The following TBC1D31 variants were observed in gnomAD, a reference collection of about 807,000 sequenced individuals.
TBC1D31 encodes WD repeat domain 67.
A neutral mutation model predicts 132.9 loss-of-function variants in TBC1D31; 99 were observed. The ratio of observed to expected loss-of-function variants is 0.74; its 90% CI spans 0.63 to 0.88. The LOEUF (loss-of-function observed/expected upper bound fraction) is 0.88, where lower values mean the gene tolerates loss of function less well. Among genes scored for constraint, TBC1D31 ranks in the 40% least tolerant of loss-of-function variants. The pLI is 0.00. For missense variants in TBC1D31, 1,134 were observed against 1,256.6 expected, an observed-to-expected ratio of 0.90 and a Z score of 1.48; for synonymous variants, 385 against 419.4, an observed-to-expected ratio of 0.92 and a Z score of 1.00.
intron 6 of TBC1D31, among the ~76,000 whole-genome samples, chr8:123,100,167 G>A (rs1586612761): frequency 6.6e-6 from 1 of 152,256 alleles, no homozygotes; most frequent in African/African-American, 2.4e-5. Flanking sequence ...CTGCCTGTGG[G>A]AAGGGAAGAT....
intron 16 of TBC1D31, among the ~76,000 whole-genome samples, chr8:123,130,902 G>A (rs574955838): frequency 5.3e-5 from 8 of 151,624 alleles, no homozygotes; most frequent in African/African-American, 1.9e-4. Flanking sequence ...GGTTACAGGC[G>A]TGAGCCACCA....
intron 16 of TBC1D31, among the ~76,000 whole-genome samples, chr8:123,132,480 C>T (rs1820725390): frequency 7.9e-6 from 1 of 126,732 alleles, no homozygotes; most frequent in Non-Finnish European, 1.6e-5. Flanking sequence ...GTGGTGCGAT[C>T]CCGGCTCACT....
chr8:123,111,446 G>T (rs911397217), intron 10 of TBC1D31, among the ~76,000 whole-genome samples: 1 of 151,974 alleles, frequency 6.6e-6, no homozygotes, highest in African/African-American at 2.4e-5. Flanking sequence ...TTACCTTGGA[G>T]CTCCCCAGAG....
chr8:123,151,164 C>G (rs1337386994), intron 21 of TBC1D31, among the ~76,000 whole-genome samples: 1 of 125,754 alleles, frequency 8.0e-6, no homozygotes, highest in African/African-American at 3.3e-5. Flanking sequence ...AATACAAAAG[C>G]ATGAAAGTTG....
chr8:123,115,018 T>A (rs948960932), intron 10 of TBC1D31, among the ~76,000 whole-genome samples: 4 of 152,356 alleles, frequency 2.6e-5, no homozygotes, highest in African/African-American at 9.6e-5. Context: ...TTAGGTTATT[T>A]TATGTTTATT....
In TBC1D31 at chr8:123,126,537, G is replaced by C. The variant is rs148081129; in HGVS notation, c.1734G>C (p.Val578=). The change falls in exon 13 of 22, where the codon GTG becomes GTC. Residue 578 remains valine, a synonymous_variant. Transcript: ENST00000287380. The part of the protein sequence containing the change: ...QLYAWPLLET[V]FSEVLTREEW... ...ATGCATGGCCTCTTCTTGAAACTGT[G>C]TTCTCAGAAGTGCTGACAAGAGAGG... 8.7e-6 allele frequency: 14 copies of C among 1,613,876 alleles called. No individual in the cohort carries two copies. The highest frequency in any genetic ancestry group is 1.2e-5 in the Non-Finnish European group (14 of 1,179,958).
the TBC1D31 span, among the ~76,000 whole-genome samples, chr8:123,164,102 C>T: frequency 2.6e-5 from 4 of 152,298 alleles, no homozygotes; most frequent in Admixed American, 6.5e-5. Context: ...CAGGTAAGCA[C>T]GTCTTTTTCT....
intron 16 of TBC1D31, among the ~76,000 whole-genome samples, chr8:123,130,596 C>A (rs1301539236): frequency 1.3e-5 from 2 of 151,538 alleles, no homozygotes; most frequent in Non-Finnish European, 2.9e-5. Flanking sequence ...TATCAGTTAG[C>A]CATTAAGTTA....
intron 10 of TBC1D31, among the ~76,000 whole-genome samples, chr8:123,114,470 C>T (rs1245733441): frequency 1.3e-5 from 2 of 151,782 alleles, no homozygotes; most frequent in Non-Finnish European, 2.9e-5. Flanking sequence ...ACAGGCACCC[C>T]CCACCACACC....
chr8:123,098,284 C>A (rs181951266), intron 6 of TBC1D31, among the ~76,000 whole-genome samples: 14 of 152,064 alleles, frequency 9.2e-5, no homozygotes, highest in African/African-American at 3.4e-4. Context: ...TACAGCCTTG[C>A]ACCTTCTATT....
intron 5 of TBC1D31, among the ~76,000 whole-genome samples, chr8:123,095,953 A>G (rs1398478396): frequency 6.6e-6 from 1 of 152,206 alleles, no homozygotes; most frequent in Non-Finnish European, 1.5e-5. Flanking sequence ...ATCAGTAAAT[A>G]CCATCAACTC....
intron 20 of TBC1D31, 109 bp downstream of exon 20, chr8:123,144,964 C>T (rs1822052394): frequency 6.7e-6 from 7 of 1,048,538 alleles, no homozygotes; most frequent in Non-Finnish European, 9.4e-6. Flanking sequence ...TGTTCTGTCA[C>T]CCAAGCTGGA....
chr8:123,134,102 G>GT lies in TBC1D31; in HGVS notation c.2407-9dup. On this transcript the variant is annotated splice_polypyrimidine_tract_variant and intron_variant, in intron 16 of 21. Coordinates refer to ENST00000287380, the MANE Select transcript of TBC1D31 (RefSeq NM_145647.4). ...TTCTTTTTGGTATTTACAGTTTGTT[G>GT]TTTGGCCATAGGTATATATGAGAGA... The GT allele has an allele frequency of 6.3e-7, 1 of 1,590,510 alleles. No homozygotes were observed. The highest frequency in any genetic ancestry group is 8.6e-7 in the Non-Finnish European group (1 of 1,167,038).
chr8:123,096,889 A>G (rs1816889374), intron 5 of TBC1D31, among the ~76,000 whole-genome samples: 1 of 152,190 alleles, frequency 6.6e-6, no homozygotes. Flanking sequence ...CCAATTCTAT[A>G]TAGCTGTACG....
the TBC1D31 span, among the ~76,000 whole-genome samples, chr8:123,159,276 AAAAAAAAG>A: frequency 0.088 from 12,983 of 148,048 alleles, 618 homozygotes; most frequent in Non-Finnish European, 0.097. Flanking sequence ...AGGAAAAAAA[AAAAAAAAG>A]AAAAAGAAAA....
the TBC1D31 span, among the ~76,000 whole-genome samples, chr8:123,157,268 T>C: frequency 2.0e-5 from 3 of 152,210 alleles, no homozygotes; most frequent in Non-Finnish European, 4.4e-5. Flanking sequence ...CTTCAGATTA[T>C]GAGACTGACG....
chr8:123,082,483 G>C, intron 2 of TBC1D31: 1 of 477,716 alleles, frequency 2.1e-6, no homozygotes, highest in Non-Finnish European at 3.7e-6. Flanking sequence ...ACACATACCT[G>C]ATTGTGATTC....
intron 7 of TBC1D31, chr8:123,102,358 CT>C: frequency 1.3e-5 from 5 of 389,846 alleles, no homozygotes; most frequent in East Asian, 7.7e-5. Context: ...CGTTTGCCAC[CT>C]TTTTTTATTC....
intron 20 of TBC1D31, among the ~76,000 whole-genome samples, chr8:123,148,492 A>G (rs1003369522): frequency 1.5e-4 from 23 of 151,994 alleles, no homozygotes; most frequent in Admixed American, 6.6e-4. Context: ...AATCCTAGCA[A>G]TTTGGGAGAC....
Sources: allele counts gnomAD v4.1 joint callset (sites outside exome capture counted in the v4.1 genomes callset), GRCh38; gene constraint gnomAD v4.1.1; transcripts MANE v1.5; gene names NCBI Gene and HGNC (gene_info 2026-07-23, HGNC 2026-07-21).